The following CNTN4 variants were observed in gnomAD, a reference collection of about 807,000 sequenced individuals.
The protein encoded by CNTN4 is contactin-4.
Under a neutral mutation model 122.5 loss-of-function variants are expected in CNTN4, and 77 were observed. That is an observed-to-expected ratio of 0.63 (90% CI 0.52 to 0.76). CNTN4 has a LOEUF of 0.76. CNTN4 is among the 30% of genes least tolerant of loss of function. CNTN4 has a pLI of 0.00. For synonymous variants in CNTN4, 512 were observed against 447.0 expected (o/e 1.15, Z -1.83); for missense variants, 1,256 against 1,259.1 (o/e 1.00, Z 0.04).
intron 4 of CNTN4, among the ~76,000 whole-genome samples, chr3:2,723,729 G>A (rs1260451074): frequency 1.3e-5 from 2 of 152,142 alleles, no homozygotes; most frequent in Non-Finnish European, 2.9e-5. Flanking sequence ...TTTTGAAGGG[G>A]GCACACACAT....
At chr3:2,365,583 A>G (rs2045346353) in intron 3 of CNTN4, among the ~76,000 whole-genome samples, 1 of 152,206 alleles carries the variant, frequency 6.6e-6, no homozygotes, top group Non-Finnish European at 1.5e-5. Context: ...GAATGTACAT[A>G]TATTTCTATC....
intron 11 of CNTN4, among the ~76,000 whole-genome samples, chr3:2,901,023 T>A (rs2094167168): frequency 6.6e-6 from 1 of 152,222 alleles, no homozygotes; most frequent in Non-Finnish European, 1.5e-5. Flanking sequence ...AATTAAGCTC[T>A]TGCACTAGAT....
intron 18 of CNTN4, 59 bp downstream of exon 18, chr3:3,037,387 G>C (rs757206237): frequency 3.5e-4 from 556 of 1,610,698 alleles, no homozygotes; most frequent in Non-Finnish European, 4.5e-4. Flanking sequence ...CTTAGGAAAA[G>C]CGTTTGAATT....
intron 23 of CNTN4, 21 bp downstream of exon 23, chr3:3,043,725 A>C (rs1700368346): frequency 6.6e-7 from 1 of 1,504,896 alleles, no homozygotes; most frequent in African/African-American, 1.4e-5. Flanking sequence ...TCTTTTTTGC[A>C]AAGGCACCTA....
chr3:2,423,869 C>T (rs1412162234), intron 3 of CNTN4, among the ~76,000 whole-genome samples: 1 of 137,516 alleles, frequency 7.3e-6, no homozygotes, highest in East Asian at 2.5e-4. Flanking sequence ...AGTAATAGTT[C>T]TTATTTTCTT....
chr3:2,956,099 C>T (rs1392260850), intron 13 of CNTN4, among the ~76,000 whole-genome samples: 1 of 152,104 alleles, frequency 6.6e-6, no homozygotes, highest in East Asian at 1.9e-4. Context: ...GAATATTTTC[C>T]AGCCTTAACT....
intron 2 of CNTN4, among the ~76,000 whole-genome samples, chr3:2,175,624 T>C (rs1318506320): frequency 1.3e-5 from 2 of 152,110 alleles, no homozygotes; most frequent in Non-Finnish European, 2.9e-5. Flanking sequence ...TGGGCTTGAG[T>C]AGTAACTACT....
intron 16 of CNTN4, 143 bp downstream of exon 16, chr3:3,031,118 C>T: frequency 9.1e-7 from 1 of 1,093,390 alleles, no homozygotes; most frequent in East Asian, 2.4e-5. Flanking sequence ...GCTAACAGTC[C>T]ACAGAAGTTT....
chr3:2,381,974 A>G (rs1246036421), intron 3 of CNTN4, among the ~76,000 whole-genome samples: 3 of 152,126 alleles, frequency 2.0e-5, no homozygotes, highest in African/African-American at 7.2e-5. Context: ...GTTCTTCCCA[A>G]ATCTTGAGAC....
chr3:2,668,476 C>T (rs919583723), intron 4 of CNTN4, among the ~76,000 whole-genome samples: 5 of 152,160 alleles, frequency 3.3e-5, no homozygotes, highest in African/African-American at 1.2e-4. Context: ...TGCTTATCAA[C>T]TTAAGGAGAT....
At chr3:2,125,252 AC>A (rs2125239458) in intron 2 of CNTN4, among the ~76,000 whole-genome samples, 1 of 151,976 alleles carries the variant, frequency 6.6e-6, no homozygotes, top group African/African-American at 2.4e-5. Flanking sequence ...CACTTAGCAT[AC>A]TGTCTTCCAG....
At chr3:2,792,990 A>G (rs573596452) in intron 6 of CNTN4, among the ~76,000 whole-genome samples, 6 of 152,320 alleles carry the variant, frequency 3.9e-5, no homozygotes, top group African/African-American at 1.2e-4. Context: ...GACCTGAGAC[A>G]TGTAACCTCC....
intron 3 of CNTN4, among the ~76,000 whole-genome samples, chr3:2,373,750 A>C (rs961743896): frequency 6.6e-6 from 1 of 152,196 alleles, no homozygotes; most frequent in African/African-American, 2.4e-5. Context: ...GGACAGATAG[A>C]TACTGTGCAG....
At position 3,043,675 on chromosome 3, in the gene CNTN4, G is replaced by GA; in HGVS notation, c.2783dup (p.Asp928GlufsTer2). On this transcript the variant is annotated frameshift_variant, in exon 23 of 25. Transcript: ENST00000418658. LOFTEE classifies it high-confidence loss of function. ...GAATTGGGATCAAGTGAAGGCCCTG[G>GA]ATAATGAGTCGGAAGTAAAAGGATA... 6.2e-7 allele frequency: 1 copy of GA among 1,613,614 alleles called. No homozygotes were observed. The highest frequency in any genetic ancestry group is 8.5e-7 in the Non-Finnish European group (1 of 1,179,522).
intron 2 of CNTN4, among the ~76,000 whole-genome samples, chr3:2,143,419 A>G (rs1384850413): frequency 6.6e-6 from 1 of 152,210 alleles, no homozygotes; most frequent in Non-Finnish European, 1.5e-5. Context: ...AACTAAGAAT[A>G]TTATCAGATT....
At chr3:2,262,932 A>G (rs2040893602) in intron 2 of CNTN4, among the ~76,000 whole-genome samples, 1 of 152,138 alleles carries the variant, frequency 6.6e-6, no homozygotes, top group South Asian at 2.1e-4. Context: ...GCATAAGGAC[A>G]ATGTGTTATA....
At position 2,385,474 on chromosome 3, in the gene CNTN4, G is replaced by A. The variant is rs1369432716; in HGVS notation, c.-89+46241G>A. ...GTATTAGTTTCTTAGGACTGCCACA[G>A]CAAAGTACCATACACAGGGTGACTT... On this transcript the variant is annotated intron_variant, in intron 3 of 24. Transcript: ENST00000418658. The surrounding 1 kb of genome is among the most constrained non-coding windows in gnomAD (Gnocchi z 4.0). 3.9e-5 allele frequency among the ~76,000 whole-genome samples: 6 copies of A among 152,170 alleles called. 1 individual carries two copies. Among genetic ancestry groups the A allele is most frequent in the East Asian group, 3.9e-4 (2 of 5,154 alleles).
intron 3 of CNTN4, among the ~76,000 whole-genome samples, chr3:2,485,528 C>G (rs948850502): frequency 2.7e-4 from 40 of 147,068 alleles, no homozygotes; most frequent in African/African-American, 1.0e-3. Context: ...ATCTTTTTGT[C>G]TAGCTTAGGG....
intron 14 of CNTN4, among the ~76,000 whole-genome samples, chr3:2,997,873 A>ATAAT (rs1695668926): frequency 6.6e-6 from 1 of 152,240 alleles, no homozygotes; most frequent in African/African-American, 2.4e-5. Context: ...AGTGCAAGAC[A>ATAAT]TAATTAAGTG....
Sources: gnomAD v4.1 joint callset for allele counts (sites outside exome capture counted in the v4.1 genomes callset) on GRCh38, gnomAD v4.1.1 for gene constraint, Gnocchi (gnomAD v3.1) non-coding constraint, MANE v1.5 for transcripts, NCBI Gene and HGNC (gene_info 2026-07-23, HGNC 2026-07-21) for gene names.